Variants in JRK observed in about 807,000 individuals in gnomAD.
JRK encodes Jrk helix-turn-helix protein.
For missense variants in JRK, 720 were observed against 509.2 expected (o/e 1.41, Z -3.98); for synonymous variants, 303 against 218.1 (o/e 1.39, Z -3.43).
the JRK span, among the ~76,000 whole-genome samples, chr8:142,649,927 G>A: frequency 6.6e-6 from 1 of 152,230 alleles, no homozygotes; most frequent in Non-Finnish European, 1.5e-5. Context: ...CCGTGTGCCT[G>A]GAAAAGACAC....
At chr8:142,649,267 G>A in the JRK span, among the ~76,000 whole-genome samples, 1 of 152,202 alleles carries the variant, frequency 6.6e-6, no homozygotes, top group Non-Finnish European at 1.5e-5. Flanking sequence ...AAGGACATGA[G>A]ATTTGGGAGG....
rs1554635919 is a variant in JRK at position 142,665,846 on chromosome 8, G to T, written c.213C>A (p.Ser71=). ...TGCGCCGCTGCTCCAGCGCCTTGTT[G>T]GAGTCGGAGCTGGCGAAGAACCGGA... ...QLLRFFASSD[S]NKALEQRRTL... is the part of the protein sequence containing the mutation. The change falls in exon 2 of 2, where the codon TCC becomes TCA. Residue 71 remains serine (S), a synonymous_variant. Transcript: ENST00000612905. 5 of 779,686 alleles carry T rather than the reference G, an allele frequency of 6.4e-6. No homozygotes were observed. The highest frequency in any genetic ancestry group is 1.2e-5 in the Non-Finnish European group (5 of 418,222). The allele number at this position is 779,686 out of a possible 1,614,324, so 48.3% of individuals were successfully genotyped here. A position where few individuals can be genotyped will look rare whatever the true frequency, so the allele number is the denominator to read the frequency against.
At position 142,663,727 on chromosome 8, in the gene JRK, A is replaced by C; in HGVS notation, c.*625T>G. The C allele has an allele frequency of 1.0e-6, 1 of 985,486 alleles. No individual in the cohort carries two copies. Among genetic ancestry groups the C allele is most frequent in the Non-Finnish European group, 1.2e-6 (1 of 829,958 alleles). The allele number at this position is 985,486 out of a possible 1,614,324, so 61.0% of individuals were successfully genotyped here. On this transcript the variant is annotated 3_prime_UTR_variant, in exon 2 of 2. Transcript: ENST00000612905. ...CCATGGGACAGGATCTGCGGGTAAC[A>C]GAGGATGGTTCCAGAGTCATTCTGC...
chr8:142,655,457 T>C (rs4467920), downstream of JRK, among the ~76,000 whole-genome samples: 90,791 of 152,142 alleles, frequency 0.6, 28,400 homozygotes, highest in Admixed American at 0.69. Context: ...AGCAGCACCC[T>C]AGGCACATCC....
Position 142,666,424 on chromosome 8 carries a change from A to C in JRK, c.-366T>G. On this transcript the variant is annotated 5_prime_UTR_variant, in exon 2 of 2. Transcript: ENST00000612905. Reference sequence around the variant, plus strand: ...GATACTATGGCAGCGGCTCCCCTCAAACTGACCAGGTTTGGGGTGGTAGAG... The same window carrying C: ...GATACTATGGCAGCGGCTCCCCTCACACTGACCAGGTTTGGGGTGGTAGAG... 5.2e-6 allele frequency: 2 copies of C among 388,000 alleles called. No homozygotes were observed. The highest frequency in any genetic ancestry group is 1.0e-5 in the Non-Finnish European group (2 of 195,212). 24.0% of individuals were successfully genotyped at this position (388,000 alleles called of 1,614,324 possible).
chr8:142,648,240 A>G, the JRK span, among the ~76,000 whole-genome samples: 1 of 152,222 alleles, frequency 6.6e-6, no homozygotes, highest in Non-Finnish European at 1.5e-5. Flanking sequence ...CTGAGGAGAA[A>G]TTCAAGCCAG....
chr8:142,654,650 G>A (rs1846717206), downstream of JRK, among the ~76,000 whole-genome samples: 2 of 151,908 alleles, frequency 1.3e-5, no homozygotes, highest in Non-Finnish European at 2.9e-5. Context: ...CTCTCACTGG[G>A]CATCTGGAGT....
Position 142,664,488 on chromosome 8 carries a change from C to T in JRK, c.1571G>A (p.Ser524Asn). 1 of 1,610,772 alleles carries T rather than the reference C, an allele frequency of 6.2e-7. No homozygotes were observed. The highest frequency in any genetic ancestry group is 8.5e-7 in the Non-Finnish European group (1 of 1,178,898). Reference protein sequence around the residue: ...QLRALRAVFRSQQQVRRRRGA... With the variant: ...QLRALRAVFRNQQQVRRRRGA... ...ACGCCGCCTCCTCACCTGCTGCTGG[C>T]TCCGGAACACGGCACGCAGCGCCCG... is the stretch of plus-strand genomic sequence containing the variant. Residue 524 changes from serine to asparagine, a missense_variant, in exon 2 of 2, where the codon AGC becomes AAC. Physicochemically the swap from Ser to Asn is conservative, Grantham distance 46 (BLOSUM62 1). Coordinates refer to ENST00000612905, the MANE Select transcript of JRK (RefSeq NM_003724.4).
In JRK at chr8:142,661,669, T is replaced by C. The variant is rs1846920688; in HGVS notation, c.*2683A>G. 3 of 985,532 alleles carry C rather than the reference T, an allele frequency of 3.0e-6. No homozygotes were observed. The highest frequency in any genetic ancestry group is 3.6e-6 in the Non-Finnish European group (3 of 830,012). The allele number at this position is 985,532 out of a possible 1,614,324, so 61.0% of individuals were successfully genotyped here. A position where few individuals can be genotyped will look rare whatever the true frequency, so the allele number is the denominator to read the frequency against. ...GACCAGAGACTTTCTCGCTCTGCTC[T>C]GGCAAGCTCCAGGGCTTCCCAGGGG... On this transcript the variant is annotated 3_prime_UTR_variant, in exon 2 of 2. Transcript: ENST00000612905.
At position 142,665,122 on chromosome 8, in the gene JRK, T is replaced by C. The variant is rs587619788; in HGVS notation, c.937A>G (p.Ser313Gly). The change falls in exon 2 of 2, where the codon AGT becomes GGT. Residue 313 changes from serine (S) to glycine (G), a missense_variant. Transcript: ENST00000612905. ...GGCAGGAAGATGGTGAAAACGTTAC[T>C]GGACACCAGCTCGGCCTCCTGCGGG... is the stretch of plus-strand genomic sequence containing the variant. ...AHPQEAELVSSNVFTIFLPAS... is the reference protein window; with the variant it reads ...AHPQEAELVSGNVFTIFLPAS... The C allele has an allele frequency of 2.8e-6, 2 of 717,806 alleles. No individual in the cohort carries two copies. The highest frequency in any genetic ancestry group is 1.7e-5 in the African/African-American group (1 of 57,278). 44.5% of individuals were successfully genotyped at this position (717,806 alleles called of 1,614,324 possible).
At chr8:142,650,987 T>A in the JRK span, among the ~76,000 whole-genome samples, 1 of 152,168 alleles carries the variant, frequency 6.6e-6, no homozygotes, top group African/African-American at 2.4e-5. Flanking sequence ...CCATTTTCTT[T>A]AAGGAGTTTC....
chr8:142,664,697 A>G lies in JRK; in HGVS notation c.1362T>C (p.Ala454=). ...ACACAACCTCTGCTGGCGACGTGGCAGCAGGGGGCCGTCCCCCTTCTGCCT... is the reference window on the plus strand; with the variant it reads ...ACACAACCTCTGCTGGCGACGTGGCGGCAGGGGGCCGTCCCCCTTCTGCCT... ...GREAEGGRPP[A]ATSPAEVVWS... The change falls in exon 2 of 2, where the codon GCT becomes GCC. Residue 454 remains alanine (A), a synonymous_variant. Transcript: ENST00000612905. 1 of 1,608,992 alleles carries G rather than the reference A, an allele frequency of 6.2e-7. No individual in the cohort carries two copies. Among genetic ancestry groups the G allele is most frequent in the Non-Finnish European group, 8.5e-7 (1 of 1,178,248 alleles).
the JRK span, among the ~76,000 whole-genome samples, chr8:142,645,423 C>A: frequency 6.6e-6 from 1 of 152,118 alleles, no homozygotes; most frequent in Non-Finnish European, 1.5e-5. Flanking sequence ...CTCATGCCTG[C>A]AATCCTAGCA....
rs1846876049 is a variant in JRK, at chr8:142,660,325, T to C, written c.*4027A>G. ...CACGGCTGCCACACCCACCAGCCCATGACTGTCCACATCCTGACCCCTACC... is the reference window on the plus strand; with the variant it reads ...CACGGCTGCCACACCCACCAGCCCACGACTGTCCACATCCTGACCCCTACC... On this transcript the variant is annotated 3_prime_UTR_variant, in exon 2 of 2. Coordinates refer to ENST00000612905, the MANE Select transcript of JRK (RefSeq NM_003724.4). The C allele has an allele frequency of 5.1e-6, 5 of 985,520 alleles. No homozygotes were observed. In the South Asian group the frequency reaches 2.3e-4, roughly 46 times the overall value. 61.0% of individuals were successfully genotyped at this position (985,520 alleles called of 1,614,324 possible).
chr8:142,661,581 T>C lies in JRK; in HGVS notation c.*2771A>G, dbSNP rs1210261097. The C allele has an allele frequency of 1.0e-6, 1 of 985,404 alleles. No homozygotes were observed. The highest frequency in any genetic ancestry group is 1.7e-5 in the African/African-American group (1 of 57,244). The allele number at this position is 985,404 out of a possible 1,614,324, so 61.0% of individuals were successfully genotyped here. On this transcript the variant is annotated 3_prime_UTR_variant, in exon 2 of 2. Transcript: ENST00000612905. ...GAGGCTGCAACTTGCAGGGGCACTG[T>C]GAGAAGACAGGGAGTGGCTCCAGCC...
At chr8:142,647,832 G>C in the JRK span, among the ~76,000 whole-genome samples, 47 of 152,338 alleles carry the variant, frequency 3.1e-4, 1 homozygote, top group South Asian at 2.3e-3. Flanking sequence ...AGTTTGGAGG[G>C]CTCAGAAGCA....
intron 1 of JRK, among the ~76,000 whole-genome samples, chr8:142,669,399 A>G (rs1200549617): frequency 6.6e-6 from 1 of 151,992 alleles, no homozygotes; most frequent in Admixed American, 6.5e-5. Flanking sequence ...GGAGCCCTCC[A>G]CGCTGGGGGA....
In JRK at chr8:142,660,093, G is replaced by A. The variant is rs1007888609; in HGVS notation, c.*4259C>T. ...TGGCCCTGCGGACAGCCAGGCCTGG[G>A]GTCTACAAGAGCTGGGCAGGGAAGA... On this transcript the variant is annotated 3_prime_UTR_variant, in exon 2 of 2. Coordinates refer to ENST00000612905, the MANE Select transcript of JRK (RefSeq NM_003724.4). 5.0e-5 allele frequency: 49 copies of A among 985,558 alleles called. No homozygotes were observed. Among genetic ancestry groups the A allele is most frequent in the Non-Finnish European group, 5.3e-5 (44 of 830,122 alleles). 61.1% of individuals were successfully genotyped at this position (985,558 alleles called of 1,614,324 possible).
downstream of JRK, among the ~76,000 whole-genome samples, chr8:142,654,262 C>T (rs904604390): frequency 1.3e-5 from 2 of 152,164 alleles, no homozygotes; most frequent in East Asian, 3.9e-4. Context: ...TCACAGCACA[C>T]CTGCTGCCCT....
Sources: gnomAD v4.1 joint callset for allele counts (sites outside exome capture counted in the v4.1 genomes callset) on GRCh38, gnomAD v4.1.1 for gene constraint, MANE v1.5 for transcripts, NCBI Gene and HGNC (gene_info 2026-07-23, HGNC 2026-07-21) for gene names.